The following NAALADL2 variants were observed in gnomAD, a reference collection of about 807,000 sequenced individuals.
NAALADL2 encodes the protein N-acetylated alpha-linked acidic dipeptidase like 2.
Under a neutral mutation model 87.2 loss-of-function variants are expected in NAALADL2, and 76 were observed. The ratio of observed to expected loss-of-function variants is 0.87; its 90% CI spans 0.72 to 1.05. NAALADL2 has a LOEUF of 1.05. NAALADL2 is among the 50% of genes least tolerant of loss of function. The pLI is 0.00. For synonymous variants in NAALADL2, 354 were observed against 331.0 expected, an observed-to-expected ratio of 1.07 and a Z score of -0.75; for missense variants, 1,089 against 945.8, an observed-to-expected ratio of 1.15 and a Z score of -1.99.
At chr3:175,308,663 A>G (rs1757989213) in intron 4 of NAALADL2, among the ~76,000 whole-genome samples, 2 of 152,172 alleles carry the variant, frequency 1.3e-5, no homozygotes, top group African/African-American at 4.8e-5. Flanking sequence ...TGGGCAATTT[A>G]TTTATTCACC....
chr3:175,796,143 G>A (rs1191295894), intron 13 of NAALADL2, among the ~76,000 whole-genome samples: 1 of 150,674 alleles, frequency 6.6e-6, no homozygotes, highest in Non-Finnish European at 1.5e-5. Flanking sequence ...GAGAGAGAGA[G>A]AAGCAGCATG....
intron 1 of NAALADL2, among the ~76,000 whole-genome samples, chr3:174,510,744 G>T (rs1287004996): frequency 6.6e-6 from 1 of 151,300 alleles, no homozygotes; most frequent in Non-Finnish European, 1.5e-5. Flanking sequence ...TTTATTTTAG[G>T]GTTCAATTTT....
chr3:175,406,551 G>A (rs9843194), intron 5 of NAALADL2, among the ~76,000 whole-genome samples: 116,826 of 152,114 alleles, frequency 0.77, 45,199 homozygotes, highest in Middle Eastern at 0.86. Flanking sequence ...AGCAAAGTAT[G>A]TCAGTGTTAA....
chr3:174,866,238 C>T (rs1028304105), intron 1 of NAALADL2, among the ~76,000 whole-genome samples: 3 of 151,710 alleles, frequency 2.0e-5, no homozygotes, highest in African/African-American at 4.8e-5. Context: ...TTAGAAAACA[C>T]TGAGCATTAA....
rs1760811308 is a variant in NAALADL2, at chr3:175,327,148, C to CTCTTTTTTTTTTTTTT, written c.1090+2824_1090+2825insCTTTTTTTTTTTTTTT. On this transcript the variant is annotated intron_variant, in intron 5 of 13. Transcript: ENST00000454872. ...CCAGCTTTATCAACTGTCTACATTT[C>CTCTTTTTTTTTTTTTT]TTTTTTTTTTTTTTTTTTTTTTTCT... 1.5e-3 allele frequency among the ~76,000 whole-genome samples: 145 copies of CTCTTTTTTTTTTTTTT among 99,484 alleles called. 1 individual carries two copies. The highest frequency in any genetic ancestry group is 6.0e-3 in the African/African-American group (142 of 23,784). The allele number at this position is 99,484 out of a possible 152,430, so 65.3% of individuals were successfully genotyped here.
rs553737299 is a variant in NAALADL2 at position 174,444,255 on chromosome 3, G to C, written c.-184+3223G>C. Reference sequence around the variant, plus strand: ...TATGAGCTATTTACCTAGAACAAATGAGAGAAGGAAAAGTGTGGGGGCACA... The same window carrying C: ...TATGAGCTATTTACCTAGAACAAATCAGAGAAGGAAAAGTGTGGGGGCACA... On this transcript the variant is annotated intron_variant, in intron 1 of 3. Transcript: ENST00000434257. Among the ~76,000 whole-genome samples, 12 of 152,270 alleles carry C rather than the reference G, an allele frequency of 7.9e-5. No homozygotes were observed. The East Asian group carries it at 2.3e-3, about 29-fold the overall frequency.
chr3:174,919,450 C>A (rs988138828), intron 1 of NAALADL2, among the ~76,000 whole-genome samples: 1 of 152,158 alleles, frequency 6.6e-6, no homozygotes, highest in Admixed American at 6.5e-5. Flanking sequence ...TCTCAAGAAA[C>A]CACTGTCTTT....
intron 2 of NAALADL2, among the ~76,000 whole-genome samples, chr3:175,202,065 A>G (rs1051754408): frequency 6.6e-6 from 1 of 151,894 alleles, no homozygotes; most frequent in Admixed American, 6.6e-5. Context: ...TTTTTTACAT[A>G]CGAAAACTAA....
intron 1 of NAALADL2, among the ~76,000 whole-genome samples, chr3:175,092,538 A>G (rs1271380805): frequency 1.3e-5 from 2 of 150,924 alleles, no homozygotes; most frequent in African/African-American, 2.4e-5. Context: ...ATTATATTTT[A>G]CATATTAAAT....
At chr3:175,170,351 G>C (rs1481669264) in intron 2 of NAALADL2, among the ~76,000 whole-genome samples, 2 of 149,616 alleles carry the variant, frequency 1.3e-5, no homozygotes, top group Middle Eastern at 3.8e-3. Flanking sequence ...ATTTCTTCAA[G>C]TATTTTATAT....
At chr3:175,493,677 A>G (rs1489649248) in intron 9 of NAALADL2, among the ~76,000 whole-genome samples, 1 of 152,128 alleles carries the variant, frequency 6.6e-6, no homozygotes, top group African/African-American at 2.4e-5. Context: ...AAACATTATT[A>G]TCTATGTCTT....
At chr3:175,453,242 T>C (rs1721840812) in intron 6 of NAALADL2, among the ~76,000 whole-genome samples, 1 of 152,158 alleles carries the variant, frequency 6.6e-6, no homozygotes. Context: ...ATAAAATCCA[T>C]TAGCGTACAC....
At chr3:175,237,977 T>C (rs1746197631) in intron 3 of NAALADL2, among the ~76,000 whole-genome samples, 1 of 152,224 alleles carries the variant, frequency 6.6e-6, no homozygotes, top group Non-Finnish European at 1.5e-5. Flanking sequence ...CCAGTGGTTT[T>C]ATCTGTTTAC....
chr3:174,736,875 C>T (rs1553843138), intron 2 of NAALADL2, among the ~76,000 whole-genome samples: 1 of 152,218 alleles, frequency 6.6e-6, no homozygotes, highest in Non-Finnish European at 1.5e-5. Flanking sequence ...AGCCCCCTCT[C>T]AGCCTTCTTC....
intron 1 of NAALADL2, among the ~76,000 whole-genome samples, chr3:174,975,293 T>C (rs140542650): frequency 6.6e-6 from 1 of 152,266 alleles, no homozygotes; most frequent in East Asian, 1.9e-4. Context: ...AATTATGTTA[T>C]TAGGAGAACT....
At chr3:175,352,595 C>T (rs1413005334) in intron 5 of NAALADL2, among the ~76,000 whole-genome samples, 2 of 152,000 alleles carry the variant, frequency 1.3e-5, no homozygotes, top group South Asian at 2.1e-4. Context: ...TTCCTAGTGC[C>T]TCAAAGTCTC....
chr3:174,800,216 T>A (rs1204674253), intron 3 of NAALADL2, among the ~76,000 whole-genome samples: 1 of 151,704 alleles, frequency 6.6e-6, no homozygotes, highest in Non-Finnish European at 1.5e-5. Context: ...ACCAAGACGA[T>A]GGAGAAAATA....
chr3:175,245,576 T>C (rs1241855605), intron 3 of NAALADL2, among the ~76,000 whole-genome samples: 1 of 152,226 alleles, frequency 6.6e-6, no homozygotes, highest in Admixed American at 6.5e-5. Flanking sequence ...TTTATCTATG[T>C]TATTTGTGCT....
chr3:174,924,204 C>A (rs1735640773), intron 1 of NAALADL2, among the ~76,000 whole-genome samples: 1 of 111,204 alleles, frequency 9.0e-6, no homozygotes. Flanking sequence ...AATGCTATCC[C>A]TCCCCCCTCC....
Sources: allele counts gnomAD v4.1 joint callset (sites outside exome capture counted in the v4.1 genomes callset), GRCh38; gene constraint gnomAD v4.1.1; transcripts MANE v1.5; gene names NCBI Gene and HGNC (gene_info 2026-07-23, HGNC 2026-07-21).